DLGAP1: variants seen among roughly 807,000 people sequenced by gnomAD.
The protein encoded by DLGAP1 is DLG associated protein 1, also known as disks large-associated protein 1.
Under a neutral mutation model 90.8 loss-of-function variants are expected in DLGAP1, and 11 were observed. The ratio of observed to expected loss-of-function variants is 0.12; its 90% CI spans 0.08 to 0.20. The LOEUF (loss-of-function observed/expected upper bound fraction) is 0.20, where lower values mean the gene tolerates loss of function less well. Among genes scored for constraint, DLGAP1 ranks in the 10% least tolerant of loss-of-function variants. DLGAP1 has a pLI of 1.00. For missense variants in DLGAP1, 1,050 were observed against 1,333.8 expected, an observed-to-expected ratio of 0.79 and a Z score of 3.31; for synonymous variants, 558 against 540.7, an observed-to-expected ratio of 1.03 and a Z score of -0.44.
intron 1 of DLGAP1, among the ~76,000 whole-genome samples, chr18:4,183,596 A>C (rs2077243631): frequency 6.6e-6 from 1 of 152,006 alleles, no homozygotes; most frequent in Non-Finnish European, 1.5e-5. Flanking sequence ...TTCTTTTTTA[A>C]ATTATGTGGC....
chr18:4,114,102 AT>A (rs568717909), intron 2 of DLGAP1, among the ~76,000 whole-genome samples: 6,008 of 126,090 alleles, frequency 0.048, 314 homozygotes, highest in African/African-American at 0.14. Flanking sequence ...GCTTTGGATA[AT>A]TTTTTTTTTG....
In DLGAP1 at chr18:3,600,723, GATATAGATATATATAGAT is replaced by G. The variant is rs1568277314; in HGVS notation, c.1592-18493_1592-18476del. On this transcript the variant is annotated intron_variant, in intron 7 of 12. Transcript: ENST00000315677. ...ATATCTATAGCTATATAGATATAGA[GATATAGATATATATAGAT>G]ATATAGATATATATAGATATATAGA... Among the ~76,000 whole-genome samples, 37 of 17,980 alleles carry G rather than the reference GATATAGATATATATAGAT, an allele frequency of 2.1e-3. 1 individual carries two copies. The highest frequency in any genetic ancestry group is 5.8e-3 in the East Asian group (8 of 1,390). 11.8% of individuals were successfully genotyped at this position (17,980 alleles called of 152,430 possible). A position where few individuals can be genotyped will look rare whatever the true frequency, so the allele number is the denominator to read the frequency against.
chr18:3,934,894 G>C (rs902201536), intron 3 of DLGAP1, among the ~76,000 whole-genome samples: 2 of 152,232 alleles, frequency 1.3e-5, no homozygotes, highest in African/African-American at 2.4e-5. Flanking sequence ...TGTGATGAAG[G>C]ATCAAAAGCA....
chr18:4,006,802 T>A (rs1047204159), intron 2 of DLGAP1, among the ~76,000 whole-genome samples: 1 of 152,008 alleles, frequency 6.6e-6, no homozygotes, highest in African/African-American at 2.4e-5. Flanking sequence ...CCTACCACCA[T>A]ACCTGGCTAA....
intron 2 of DLGAP1, among the ~76,000 whole-genome samples, chr18:4,125,265 G>T (rs2076214997): frequency 6.6e-6 from 1 of 152,188 alleles, no homozygotes; most frequent in South Asian, 2.1e-4. Context: ...ATGTGCACAG[G>T]TCATCATGAG....
chr18:3,639,910 A>G (rs867819730), intron 7 of DLGAP1, among the ~76,000 whole-genome samples: 1 of 145,268 alleles, frequency 6.9e-6, no homozygotes, highest in African/African-American at 2.6e-5. Context: ...GCCCGCCACC[A>G]CACCCGGCTA....
intron 2 of DLGAP1, among the ~76,000 whole-genome samples, chr18:4,051,572 T>A (rs887800866): frequency 4.6e-5 from 7 of 152,176 alleles, no homozygotes; most frequent in African/African-American, 1.7e-4. Context: ...ATGTGGGGAT[T>A]ATGGAAACTA....
chr18:3,726,640 T>C lies in DLGAP1; in HGVS notation c.1591+2495A>G, dbSNP rs1418536685. Among the ~76,000 whole-genome samples the C allele has an allele frequency of 2.0e-5, 3 of 152,256 alleles. No homozygotes were observed. In the East Asian group the frequency reaches 5.8e-4, roughly 29 times the overall value. ...CTTACTTAGTTAGAATCTACTATAATGGTTTAGTACTTAAACTGTTTATTT... is the reference window on the plus strand; with the variant it reads ...CTTACTTAGTTAGAATCTACTATAACGGTTTAGTACTTAAACTGTTTATTT... On this transcript the variant is annotated intron_variant, in intron 7 of 12. Coordinates refer to ENST00000315677, the MANE Select transcript of DLGAP1 (RefSeq NM_004746.4).
chr18:4,355,185 T>C (rs1174036146), intron 1 of DLGAP1, among the ~76,000 whole-genome samples: 3 of 152,236 alleles, frequency 2.0e-5, no homozygotes, highest in African/African-American at 7.2e-5. Flanking sequence ...CAAATGTTCA[T>C]GGCAGCTTTA....
At position 3,967,843 on chromosome 18, in the gene DLGAP1, C is replaced by T. The variant is rs1472343500; in HGVS notation, c.-73+37273G>A. Among the ~76,000 whole-genome samples, 3 of 152,142 alleles carry T rather than the reference C, an allele frequency of 2.0e-5. No homozygotes were observed. The East Asian group carries it at 5.8e-4, about 29-fold the overall frequency. ...AAGGGCTTCTGAGAAAATCACCCAA[C>T]TATGCAGATTGATCCCCACACACAC... On this transcript the variant is annotated intron_variant, in intron 3 of 12. Transcript: ENST00000315677.
intron 1 of DLGAP1, among the ~76,000 whole-genome samples, chr18:4,295,906 C>T (rs1403772006): frequency 3.3e-5 from 5 of 152,196 alleles, no homozygotes; most frequent in Non-Finnish European, 7.3e-5. Flanking sequence ...TTTAAAGATA[C>T]TAATGATTAA....
chr18:4,053,219 T>C (rs184090041), intron 2 of DLGAP1, among the ~76,000 whole-genome samples: 2 of 152,348 alleles, frequency 1.3e-5, no homozygotes, highest in Non-Finnish European at 2.9e-5. Context: ...AAAGGTTTAA[T>C]TGACTCACAG....
chr18:3,677,289 T>G (rs1721749761), intron 7 of DLGAP1, among the ~76,000 whole-genome samples: 1 of 152,234 alleles, frequency 6.6e-6, no homozygotes, highest in African/African-American at 2.4e-5. Context: ...TCACGTCCAC[T>G]GAATCTGCCA....
chr18:4,422,705 C>A (rs1167657124), intron 1 of DLGAP1, among the ~76,000 whole-genome samples: 2 of 151,936 alleles, frequency 1.3e-5, no homozygotes, highest in African/African-American at 4.8e-5. Flanking sequence ...GAAATGTGAA[C>A]CACCTTAGCA....
intron 1 of DLGAP1, among the ~76,000 whole-genome samples, chr18:4,368,267 A>C (rs2081823839): frequency 6.6e-6 from 1 of 152,184 alleles, no homozygotes; most frequent in South Asian, 2.1e-4. Context: ...TTTATGATTT[A>C]GATACTGTGA....
At chr18:4,335,639 A>G (rs2081053226) in intron 1 of DLGAP1, among the ~76,000 whole-genome samples, 1 of 152,250 alleles carries the variant, frequency 6.6e-6, no homozygotes, top group South Asian at 2.1e-4. Flanking sequence ...CTTTCAAAGC[A>G]AAGTGGCTAA....
At chr18:4,159,830 A>G (rs1338930366) in intron 1 of DLGAP1, among the ~76,000 whole-genome samples, 1 of 152,184 alleles carries the variant, frequency 6.6e-6, no homozygotes, top group Non-Finnish European at 1.5e-5. Context: ...CTTAGTCTCC[A>G]TTCTCTTGTT....
intron 4 of DLGAP1, among the ~76,000 whole-genome samples, chr18:3,841,142 G>C (rs540108194): frequency 1.3e-5 from 2 of 152,294 alleles, no homozygotes; most frequent in South Asian, 4.1e-4. Context: ...TCTGACATCA[G>C]GCTACGGTTG....
chr18:3,573,667 TA>T (rs2054941505), intron 8 of DLGAP1, among the ~76,000 whole-genome samples: 1 of 152,098 alleles, frequency 6.6e-6, no homozygotes, highest in African/African-American at 2.4e-5. Context: ...CACTTTATTC[TA>T]TGGTTATAAG....
Sources: gnomAD v4.1 joint callset for allele counts (sites outside exome capture counted in the v4.1 genomes callset) on GRCh38, gnomAD v4.1.1 for gene constraint, MANE v1.5 for transcripts, NCBI Gene and HGNC (gene_info 2026-07-23, HGNC 2026-07-21) for gene names.